Variants in NXPH1 observed in about 807,000 individuals in gnomAD.
The protein encoded by NXPH1 is neurexophilin 1.
Under a neutral mutation model 23.7 loss-of-function variants are expected in NXPH1, and 5 were observed. That is an observed-to-expected ratio of 0.21 (90% CI 0.11 to 0.44). NXPH1 has a LOEUF of 0.44. NXPH1 is among the 20% of genes least tolerant of loss of function. The pLI is 0.99. For missense variants in NXPH1, 324 were observed against 321.6 expected (o/e 1.01, Z -0.06); for synonymous variants, 144 against 122.2 (o/e 1.18, Z -1.18).
chr7:8,501,136 A>G (rs1817424224), intron 2 of NXPH1, among the ~76,000 whole-genome samples: 1 of 152,084 alleles, frequency 6.6e-6, no homozygotes, highest in Non-Finnish European at 1.5e-5. Context: ...ATCAGCTGTC[A>G]CAGATACGAT....
chr7:8,570,973 G>C (rs538070705), intron 2 of NXPH1, among the ~76,000 whole-genome samples: 30 of 151,872 alleles, frequency 2.0e-4, no homozygotes, highest in African/African-American at 7.2e-4. Flanking sequence ...GGTGGTTTCT[G>C]TTATCAACAG....
At chr7:8,550,570 T>C (rs1235382605) in intron 2 of NXPH1, among the ~76,000 whole-genome samples, 2 of 151,554 alleles carry the variant, frequency 1.3e-5, no homozygotes, top group Admixed American at 6.6e-5. Context: ...TAGTATTACT[T>C]TATATCAGAA....
intron 2 of NXPH1, among the ~76,000 whole-genome samples, chr7:8,618,834 A>C (rs1819802432): frequency 1.3e-5 from 2 of 152,180 alleles, no homozygotes; most frequent in Admixed American, 1.3e-4. Context: ...GTTTGAATGT[A>C]TGCTAAACAC....
At position 8,549,804 on chromosome 7, in the gene NXPH1, C is replaced by A. The variant is rs187131147; in HGVS notation, c.54+114037C>A. On this transcript the variant is annotated intron_variant, in intron 2 of 2. Coordinates refer to ENST00000405863, the MANE Select transcript of NXPH1 (RefSeq NM_152745.3). Reference sequence around the variant, plus strand: ...AATGTACACAGAGATTACACATTTACCCATTTATACATTTTAGCTAGTGGA... The same window carrying A: ...AATGTACACAGAGATTACACATTTAACCATTTATACATTTTAGCTAGTGGA... 1.1e-4 allele frequency among the ~76,000 whole-genome samples: 16 copies of A among 151,574 alleles called. No individual in the cohort carries two copies. The East Asian group carries it at 3.1e-3, about 30-fold the overall frequency.
chr7:8,483,365 C>G (rs567123993), intron 2 of NXPH1, among the ~76,000 whole-genome samples: 1 of 152,126 alleles, frequency 6.6e-6, no homozygotes, highest in East Asian at 1.9e-4. Flanking sequence ...GGGTATTGTT[C>G]AGTCACTCCG....
intron 2 of NXPH1, among the ~76,000 whole-genome samples, chr7:8,546,980 T>C (rs1280100860): frequency 6.6e-6 from 1 of 151,466 alleles, no homozygotes; most frequent in Non-Finnish European, 1.5e-5. Flanking sequence ...TGGACTTTCA[T>C]GTAATCACTT....
intron 2 of NXPH1, among the ~76,000 whole-genome samples, chr7:8,738,896 A>G (rs1317955464): frequency 6.6e-6 from 1 of 152,024 alleles, no homozygotes; most frequent in African/African-American, 2.4e-5. Flanking sequence ...ACCCAATCCG[A>G]ACTTCCCCCA....
chr7:8,620,713 A>G (rs932782015), intron 2 of NXPH1, among the ~76,000 whole-genome samples: 1 of 152,206 alleles, frequency 6.6e-6, no homozygotes, highest in Admixed American at 6.5e-5. Flanking sequence ...AATTATACGA[A>G]CCAATACATT....
intron 2 of NXPH1, among the ~76,000 whole-genome samples, chr7:8,570,072 CAATT>C (rs768790952): frequency 6.6e-6 from 1 of 151,822 alleles, no homozygotes; most frequent in Non-Finnish European, 1.5e-5. Flanking sequence ...TAACAAAGAT[CAATT>C]GAGTGCCAGT....
chr7:8,683,040 G>T (rs1159949364), intron 2 of NXPH1, among the ~76,000 whole-genome samples: 1 of 152,180 alleles, frequency 6.6e-6, no homozygotes, highest in African/African-American at 2.4e-5. Context: ...TGAAGAAGAG[G>T]TGTTTATTTG....
chr7:8,745,719 ATTTT>A (rs56019801), intron 2 of NXPH1, among the ~76,000 whole-genome samples: 12 of 111,820 alleles, frequency 1.1e-4, no homozygotes, highest in South Asian at 3.0e-4. Flanking sequence ...CGCCCAGCTA[ATTTT>A]TTTTTTTTTT....
At chr7:8,741,576 A>T (rs1335857788) in intron 2 of NXPH1, among the ~76,000 whole-genome samples, 2 of 152,034 alleles carry the variant, frequency 1.3e-5, no homozygotes, top group Admixed American at 6.5e-5. Flanking sequence ...TTATTGTTTG[A>T]CCTTCTCATA....
intron 2 of NXPH1, among the ~76,000 whole-genome samples, chr7:8,572,796 C>A (rs1452255478): frequency 1.3e-5 from 2 of 151,220 alleles, no homozygotes; most frequent in Non-Finnish European, 2.9e-5. Context: ...ACAGAATATG[C>A]AATTAAAAAT....
At chr7:8,510,433 T>C (rs1354795661) in intron 2 of NXPH1, among the ~76,000 whole-genome samples, 2 of 152,082 alleles carry the variant, frequency 1.3e-5, no homozygotes, top group Non-Finnish European at 2.9e-5. Context: ...GAGACAATTA[T>C]CTGTAGTAGA....
chr7:8,658,112 T>C (rs1820610850), intron 2 of NXPH1, among the ~76,000 whole-genome samples: 1 of 152,202 alleles, frequency 6.6e-6, no homozygotes. Flanking sequence ...CAAAGTTAAT[T>C]TCACTCTGCA....
chr7:8,746,619 T>C (rs1391607425), intron 2 of NXPH1, among the ~76,000 whole-genome samples: 2 of 152,236 alleles, frequency 1.3e-5, no homozygotes, highest in Non-Finnish European at 2.9e-5. Flanking sequence ...TCATGTTACA[T>C]TGTTTGGAGT....
At chr7:8,703,910 C>T (rs533099392) in intron 2 of NXPH1, among the ~76,000 whole-genome samples, 58 of 152,180 alleles carry the variant, frequency 3.8e-4, no homozygotes, top group Admixed American at 3.8e-3. Flanking sequence ...CAAACCCCTT[C>T]CTATTACTTC....
At chr7:8,581,561 C>T (rs955356429) in intron 2 of NXPH1, among the ~76,000 whole-genome samples, 3 of 152,152 alleles carry the variant, frequency 2.0e-5, no homozygotes, top group Non-Finnish European at 4.4e-5. Context: ...TCACCAGGCC[C>T]CTCCTCCAAC....
At chr7:8,560,175 A>G (rs1364517184) in intron 2 of NXPH1, among the ~76,000 whole-genome samples, 1 of 151,762 alleles carries the variant, frequency 6.6e-6, no homozygotes, top group African/African-American at 2.4e-5. Context: ...GTCAGGTCAT[A>G]TAAAAAATAA....
Sources: allele counts gnomAD v4.1 joint callset (sites outside exome capture counted in the v4.1 genomes callset), GRCh38; gene constraint gnomAD v4.1.1; transcripts MANE v1.5; gene names NCBI Gene and HGNC (gene_info 2026-07-23, HGNC 2026-07-21).